Variants in MAP3K2 observed in about 807,000 individuals in gnomAD.
The protein encoded by MAP3K2 is MAP/ERK kinase kinase 2.
Under a neutral mutation model 80.3 loss-of-function variants are expected in MAP3K2, and 24 were observed. The observed-to-expected ratio is 0.30, with a 90% CI of 0.22 to 0.42. The LOEUF is 0.42. Among genes scored for constraint, MAP3K2 ranks in the 10% least tolerant of loss-of-function variants. The probability of loss-of-function intolerance (pLI) is 1.00; values close to 1 mark genes in which losing one functional copy is unlikely to be tolerated. For missense variants in MAP3K2, 608 were observed against 750.1 expected, an observed-to-expected ratio of 0.81 and a Z score of 2.21; for synonymous variants, 244 against 253.7, an observed-to-expected ratio of 0.96 and a Z score of 0.36.
At chr2:127,337,141 CAAA>C (rs1344859084) in intron 4 of MAP3K2, among the ~76,000 whole-genome samples, 1 of 143,694 alleles carries the variant, frequency 7.0e-6, no homozygotes, top group East Asian at 2.0e-4. Context: ...GACTCCATCT[CAAA>C]AAAAAAAAAT....
In MAP3K2 at chr2:127,339,186, T is replaced by C; in HGVS notation, c.5-136A>G. Reference sequence around the variant, plus strand: ...TTAATGCAAAAATGCATCTAGAACATTTTTAATGCCTACACTTTTGGTAAA... The same window carrying C: ...TTAATGCAAAAATGCATCTAGAACACTTTTAATGCCTACACTTTTGGTAAA... On this transcript the variant is annotated intron_variant, in intron 2 of 16. Coordinates refer to ENST00000682094, the MANE Select transcript of MAP3K2 (RefSeq NM_001371910.2). This position sits in a 1 kb window ranked among gnomAD's most constrained non-coding sequence, Gnocchi z 4.2. 1 of 594,808 alleles carries C rather than the reference T, an allele frequency of 1.7e-6. No individual in the cohort carries two copies. Among genetic ancestry groups the C allele is most frequent in the Non-Finnish European group, 3.0e-6 (1 of 333,448 alleles). The allele number at this position is 594,808 out of a possible 1,614,324, so 36.8% of individuals were successfully genotyped here. A position where few individuals can be genotyped will look rare whatever the true frequency, so the allele number is the denominator to read the frequency against.
chr2:127,325,718 T>A lies in MAP3K2; in HGVS notation c.677+10A>T. The A allele has an allele frequency of 6.2e-7, 1 of 1,602,416 alleles. No homozygotes were observed. Among genetic ancestry groups the A allele is most frequent in the Non-Finnish European group, 8.5e-7 (1 of 1,170,430 alleles). ...CAAATAAACCCTCCAAAAACTACGA[T>A]AAACATTACCCATCCAAAGGACTAT... On this transcript the variant is annotated intron_variant, in intron 9 of 16. Transcript: ENST00000682094.
intron 16 of MAP3K2, 86 bp downstream of exon 16, chr2:127,308,499 A>G (rs1016723213): frequency 3.4e-5 from 42 of 1,225,598 alleles, no homozygotes; most frequent in Non-Finnish European, 4.5e-5. Context: ...ACAAAAGATT[A>G]TTTACATCTG....
intron 5 of MAP3K2, among the ~76,000 whole-genome samples, chr2:127,333,042 G>C (rs1208354756): frequency 1.3e-5 from 2 of 151,546 alleles, no homozygotes; most frequent in Non-Finnish European, 2.9e-5. Context: ...AGTGGGGAGA[G>C]GATTGATTGA....
chr2:127,381,779 G>A (rs1406616606), intron 1 of MAP3K2, among the ~76,000 whole-genome samples: 2 of 152,116 alleles, frequency 1.3e-5, no homozygotes, highest in Non-Finnish European at 2.9e-5. Flanking sequence ...CCTAATGGGA[G>A]GCATATAAAA....
rs12992533 is a variant in MAP3K2, at chr2:127,318,064, A to G, written c.1194+105T>C. On this transcript the variant is annotated intron_variant, in intron 13 of 16. Coordinates refer to ENST00000682094, the MANE Select transcript of MAP3K2 (RefSeq NM_001371910.2). ...AGAAAACTGCTTTTTTTTTTTTTTG[A>G]AAAAAAATGCTTCTTATTTAGAATG... is the stretch of plus-strand genomic sequence containing the variant. 8.5e-4 allele frequency: 543 copies of G among 639,098 alleles called. 6 individuals are homozygous for G. The African/African-American group carries it at 8.6e-3, about 10-fold the overall frequency. The allele number at this position is 639,098 out of a possible 1,614,324, so 39.6% of individuals were successfully genotyped here.
rs867078769 is a variant in MAP3K2, at chr2:127,329,730, G to C, written c.466+191C>G. Among the ~76,000 whole-genome samples the C allele has an allele frequency of 1.6e-4, 25 of 152,208 alleles. No individual in the cohort carries two copies. In the Middle Eastern group the frequency reaches 0.017, roughly 104 times the overall value. On this transcript the variant is annotated intron_variant, in intron 7 of 16. Transcript: ENST00000682094. ...AGTATATAAATAAAGAATTTAAATT[G>C]GAGATTACTAATCCTGTAAACTTGA...
intron 1 of MAP3K2, among the ~76,000 whole-genome samples, chr2:127,351,093 G>A (rs1255228260): frequency 6.6e-6 from 1 of 152,076 alleles, no homozygotes; most frequent in Non-Finnish European, 1.5e-5. Context: ...GAAACGTTAT[G>A]GCTGTTCTAG....
chr2:127,386,195 A>T (rs576365047), intron 1 of MAP3K2, among the ~76,000 whole-genome samples: 1 of 152,246 alleles, frequency 6.6e-6, no homozygotes, highest in Non-Finnish European at 1.5e-5. Flanking sequence ...TAGAGCTTCA[A>T]TTACTCAAAG....
intron 2 of MAP3K2, among the ~76,000 whole-genome samples, chr2:127,340,019 T>A (rs1462337900): frequency 6.6e-6 from 1 of 152,202 alleles, no homozygotes; most frequent in African/African-American, 2.4e-5. Flanking sequence ...GTAGCCCTAA[T>A]AGTCTCTCAA....
intron 14 of MAP3K2, among the ~76,000 whole-genome samples, chr2:127,316,711 T>C (rs1177060815): frequency 1.3e-5 from 2 of 152,128 alleles, no homozygotes; most frequent in African/African-American, 4.8e-5. Context: ...ATTGCTACAG[T>C]GGAATAACCA....
chr2:127,371,579 C>A (rs553115785), intron 1 of MAP3K2, among the ~76,000 whole-genome samples: 27 of 152,274 alleles, frequency 1.8e-4, no homozygotes, highest in South Asian at 8.3e-4. Context: ...GGATCGCCAA[C>A]AAGCAATGCA....
Position 127,302,510 on chromosome 2 carries a change from A to G in MAP3K2, c.*5069T>C, listed in dbSNP as rs1365050295. The G allele has an allele frequency of 6.6e-6, 1 of 152,034 alleles. No individual in the cohort carries two copies. The allele number at this position is 152,034 out of a possible 1,614,324, so 9.4% of individuals were successfully genotyped here. On this transcript the variant is annotated 3_prime_UTR_variant, in exon 17 of 17. Coordinates refer to ENST00000682094, the MANE Select transcript of MAP3K2 (RefSeq NM_001371910.2). ...ATGCACACATGCACACACTTCACAG[A>G]AAAGTAACTTTTCTGTGAGTATTAC...
At chr2:127,360,057 C>T (rs1264593147) in intron 1 of MAP3K2, among the ~76,000 whole-genome samples, 1 of 152,158 alleles carries the variant, frequency 6.6e-6, no homozygotes, top group Non-Finnish European at 1.5e-5. Context: ...CATGAATATA[C>T]TTGTACACAA....
chr2:127,327,196 A>G (rs1686160723), intron 7 of MAP3K2, among the ~76,000 whole-genome samples: 1 of 152,232 alleles, frequency 6.6e-6, no homozygotes, highest in Non-Finnish European at 1.5e-5. Flanking sequence ...TGCTATATTT[A>G]TTAGTACAGT....
At chr2:127,326,182 C>T (rs944505825) in intron 8 of MAP3K2, among the ~76,000 whole-genome samples, 3 of 150,216 alleles carry the variant, frequency 2.0e-5, no homozygotes, top group African/African-American at 7.3e-5. Context: ...CAAACTGAGA[C>T]TAATGACACT....
At chr2:127,352,826 G>A (rs1361091764) in intron 1 of MAP3K2, among the ~76,000 whole-genome samples, 1 of 152,080 alleles carries the variant, frequency 6.6e-6, no homozygotes, top group African/African-American at 2.4e-5. Context: ...AGCCTGCCGA[G>A]TGCCTGCGAT....
At chr2:127,345,572 T>C (rs1453472071) in intron 1 of MAP3K2, among the ~76,000 whole-genome samples, 3 of 152,146 alleles carry the variant, frequency 2.0e-5, no homozygotes, top group Non-Finnish European at 2.9e-5. Flanking sequence ...CAGCAGAATA[T>C]ACACTCTTCT....
At position 127,350,454 on chromosome 2, in the gene MAP3K2, C is replaced by CAAAAAAAAAAAAAAAAA. The variant is rs752516255; in HGVS notation, c.-65-7277_-65-7261dup. Reference sequence around the variant, plus strand: ...CCATCTCCTGAAACAAAAACAAAAACAAAAAAAAAAAAAAAAAGAAAGAAG... The same window carrying CAAAAAAAAAAAAAAAAA: ...CCATCTCCTGAAACAAAAACAAAAACAAAAAAAAAAAAAAAAAAAAAAAAAAAAAAAAAAGAAAGAAG... On this transcript the variant is annotated intron_variant, in intron 1 of 16. Coordinates refer to ENST00000682094, the MANE Select transcript of MAP3K2 (RefSeq NM_001371910.2). 8.0e-5 allele frequency among the ~76,000 whole-genome samples: 8 copies of CAAAAAAAAAAAAAAAAA among 99,406 alleles called. 1 individual carries two copies. Among genetic ancestry groups the CAAAAAAAAAAAAAAAAA allele is most frequent in the African/African-American group, 1.2e-4 (3 of 25,348 alleles). The allele number at this position is 99,406 out of a possible 152,430, so 65.2% of individuals were successfully genotyped here.
Sources: allele counts gnomAD v4.1 joint callset (sites outside exome capture counted in the v4.1 genomes callset), GRCh38; gene constraint gnomAD v4.1.1; non-coding constraint Gnocchi (gnomAD v3.1); transcripts MANE v1.5; gene names NCBI Gene and HGNC (gene_info 2026-07-23, HGNC 2026-07-21).